SKAP2: variants seen among roughly 807,000 people sequenced by gnomAD.
SKAP2 encodes the protein src kinase-associated phosphoprotein 2.
In SKAP2, 28 loss-of-function variants were observed where a neutral mutation model predicts 54.9. That is an observed-to-expected ratio of 0.51 (90% CI 0.38 to 0.70). The LOEUF is 0.70. SKAP2 is among the 30% of genes least tolerant of loss of function. The probability of loss-of-function intolerance (pLI) is 0.00; values close to 1 mark genes in which losing one functional copy is unlikely to be tolerated. For synonymous variants in SKAP2, 137 were observed against 134.3 expected, an observed-to-expected ratio of 1.02 and a Z score of -0.14; for missense variants, 356 against 424.1, an observed-to-expected ratio of 0.84 and a Z score of 1.41.
chr7:26,698,767 A>G (rs949068544), intron 9 of SKAP2, among the ~76,000 whole-genome samples: 3 of 152,206 alleles, frequency 2.0e-5, no homozygotes, highest in Admixed American at 2.0e-4. Context: ...ACATTTTCTC[A>G]AAAGTAAATG....
intron 1 of SKAP2, among the ~76,000 whole-genome samples, chr7:26,855,653 CTCTT>C (rs1248763985): frequency 6.6e-6 from 1 of 152,002 alleles, no homozygotes; most frequent in African/African-American, 2.4e-5. Flanking sequence ...CCCTCATAGC[CTCTT>C]TTTTTAATTT....
intron 6 of SKAP2, among the ~76,000 whole-genome samples, chr7:26,727,263 G>A (rs1787728652): frequency 6.6e-6 from 1 of 151,864 alleles, no homozygotes; most frequent in African/African-American, 2.4e-5. Flanking sequence ...GACACTCTAG[G>A]GTAGGGAAAA....
rs149063177 is a variant in SKAP2 at position 26,789,621 on chromosome 7, G to A, written c.308-49657C>T. On this transcript the variant is annotated intron_variant, in intron 4 of 12. Coordinates refer to ENST00000345317, the MANE Select transcript of SKAP2 (RefSeq NM_003930.5). ...TACTTTCAAGCTTTTTCATTTTCTC[G>A]CAAAATAATAACTCTTGGTCATCAT... Among the ~76,000 whole-genome samples, 651 of 151,824 alleles carry A rather than the reference G, an allele frequency of 4.3e-3. 1 individual carries two copies. Among genetic ancestry groups the A allele is most frequent in the Non-Finnish European group, 6.2e-3 (419 of 67,970 alleles).
At chr7:26,736,718 A>C (rs376759220) in intron 6 of SKAP2, among the ~76,000 whole-genome samples, 113 of 152,306 alleles carry the variant, frequency 7.4e-4, no homozygotes, top group Admixed American at 2.1e-3. Context: ...CCAGTAACAG[A>C]AATGACAGAA....
chr7:26,770,585 T>C (rs1783168586), intron 4 of SKAP2, among the ~76,000 whole-genome samples: 2 of 152,136 alleles, frequency 1.3e-5, no homozygotes, highest in Admixed American at 6.5e-5. Flanking sequence ...CCTGGTGGCA[T>C]AGGCACCCAA....
intron 4 of SKAP2, among the ~76,000 whole-genome samples, chr7:26,749,053 A>C (rs749459327): frequency 6.6e-6 from 1 of 152,332 alleles, no homozygotes; most frequent in Non-Finnish European, 1.5e-5. Flanking sequence ...TATTACTACT[A>C]GTATTTTTAA....
At chr7:26,731,367 T>C (rs1443826602) in intron 6 of SKAP2, among the ~76,000 whole-genome samples, 2 of 152,180 alleles carry the variant, frequency 1.3e-5, no homozygotes, top group Non-Finnish European at 2.9e-5. Context: ...TTGCATTTCG[T>C]CCTACAACTT....
intron 4 of SKAP2, among the ~76,000 whole-genome samples, chr7:26,829,699 A>G (rs1784562856): frequency 6.6e-6 from 1 of 152,230 alleles, no homozygotes; most frequent in South Asian, 2.1e-4. Flanking sequence ...AATCAAAACT[A>G]CAGTAAGATA....
chr7:26,727,540 G>C (rs1787734455), intron 6 of SKAP2, among the ~76,000 whole-genome samples: 1 of 151,942 alleles, frequency 6.6e-6, no homozygotes, highest in South Asian at 2.1e-4. Flanking sequence ...AACTACTCAT[G>C]ACGAAAAAGA....
At chr7:26,770,389 G>A (rs1783161728) in intron 4 of SKAP2, among the ~76,000 whole-genome samples, 1 of 152,168 alleles carries the variant, frequency 6.6e-6, no homozygotes, top group African/African-American at 2.4e-5. Flanking sequence ...AGCTTGCTGG[G>A]CTCTGTGGGG....
At chr7:26,852,341 G>A (rs1451396428) in intron 3 of SKAP2, among the ~76,000 whole-genome samples, 1 of 152,118 alleles carries the variant, frequency 6.6e-6, no homozygotes, top group Non-Finnish European at 1.5e-5. Flanking sequence ...ACAAAGTACA[G>A]GAATAGTCTT....
chr7:26,826,932 T>C (rs1191876274), intron 4 of SKAP2, among the ~76,000 whole-genome samples: 3 of 152,328 alleles, frequency 2.0e-5, no homozygotes, highest in East Asian at 1.9e-4. Context: ...TTACATCTTA[T>C]AAGACATATT....
chr7:26,807,288 G>T (rs1784049045), intron 4 of SKAP2, among the ~76,000 whole-genome samples: 1 of 152,276 alleles, frequency 6.6e-6, no homozygotes, highest in Middle Eastern at 3.4e-3. Flanking sequence ...ATCTCATCTC[G>T]AATTATAATC....
In SKAP2 at chr7:26,736,173, G is replaced by A. The variant is rs540223971; in HGVS notation, c.469+2622C>T. Among the ~76,000 whole-genome samples, 32 of 152,234 alleles carry A rather than the reference G, an allele frequency of 2.1e-4. 1 individual carries two copies. The South Asian group carries it at 6.6e-3, about 32-fold the overall frequency. On this transcript the variant is annotated intron_variant, in intron 6 of 12. Coordinates refer to ENST00000345317, the MANE Select transcript of SKAP2 (RefSeq NM_003930.5). The stretch of plus-strand genomic sequence containing the variant: ...CCTATGGGGGCTGCATTCCCAGGAG[G>A]TTAGGCATTCTTAGTCACATGATGA...
At chr7:26,729,175 G>T (rs539826921) in intron 6 of SKAP2, among the ~76,000 whole-genome samples, 1 of 151,970 alleles carries the variant, frequency 6.6e-6, no homozygotes, top group Admixed American at 6.6e-5. Context: ...ATATGCTATG[G>T]GGCTATGTAT....
chr7:26,742,273 C>T (rs1374228497), intron 4 of SKAP2: 1 of 152,010 alleles, frequency 6.6e-6, no homozygotes, highest in East Asian at 1.9e-4. Context: ...AATAAATGCT[C>T]TTTACATAAG....
chr7:26,723,477 C>A (rs1034261762), intron 9 of SKAP2, among the ~76,000 whole-genome samples: 3 of 152,030 alleles, frequency 2.0e-5, no homozygotes, highest in African/African-American at 4.8e-5. Context: ...TTAAATTTCT[C>A]CCAGTACCAC....
At chr7:26,664,903 CT>C (rs948967770), downstream of SKAP2, among the ~76,000 whole-genome samples, 1 of 152,030 alleles carries the variant, frequency 6.6e-6, no homozygotes, top group Non-Finnish European at 1.5e-5. Flanking sequence ...CACTGAAGAC[CT>C]AAACTGAGCA....
At chr7:26,770,630 G>A (rs907071851) in intron 4 of SKAP2, among the ~76,000 whole-genome samples, 3 of 152,182 alleles carry the variant, frequency 2.0e-5, no homozygotes, top group African/African-American at 7.2e-5. Flanking sequence ...CAAAGACTGT[G>A]GGAAAAGTAT....
Sources: gnomAD v4.1 joint callset for allele counts (sites outside exome capture counted in the v4.1 genomes callset) on GRCh38, gnomAD v4.1.1 for gene constraint, MANE v1.5 for transcripts, NCBI Gene and HGNC (gene_info 2026-07-23, HGNC 2026-07-21) for gene names.